The following PLPPR1 variants were observed in gnomAD, a reference collection of about 807,000 sequenced individuals.
PLPPR1 encodes phospholipid phosphatase related 1.
PLPPR1 carries 10 observed loss-of-function variants against 33.1 expected under a neutral mutation model. The observed-to-expected ratio is 0.30, with a 90% CI of 0.19 to 0.51. The LOEUF (loss-of-function observed/expected upper bound fraction) is 0.51, where lower values mean the gene tolerates loss of function less well. Ranked by LOEUF, PLPPR1 falls within the 20% of genes least tolerant of loss-of-function variation. The pLI is 0.97. For missense variants in PLPPR1, 304 were observed against 408.1 expected (o/e 0.74, Z 2.20); for synonymous variants, 151 against 151.0 (o/e 1.00, Z 0.00).
chr9:101,196,215 A>G (rs1256258547), intron 2 of PLPPR1, among the ~76,000 whole-genome samples: 1 of 152,326 alleles, frequency 6.6e-6, no homozygotes, highest in Non-Finnish European at 1.5e-5. Context: ...ATGCAGTGCT[A>G]TAATAATTTA....
chr9:101,259,307 T>C (rs1827854534), intron 2 of PLPPR1, among the ~76,000 whole-genome samples: 1 of 152,142 alleles, frequency 6.6e-6, no homozygotes, highest in African/African-American at 2.4e-5. Flanking sequence ...TTGGACTCTA[T>C]TCGAATGGTA....
At chr9:101,183,232 C>T (rs1350056122) in intron 1 of PLPPR1, among the ~76,000 whole-genome samples, 1 of 151,622 alleles carries the variant, frequency 6.6e-6, no homozygotes, top group East Asian at 1.9e-4. Context: ...TGAATACAAC[C>T]AAATACTGGA....
At chr9:101,246,566 T>C (rs1413173934) in intron 2 of PLPPR1, among the ~76,000 whole-genome samples, 2 of 152,050 alleles carry the variant, frequency 1.3e-5, no homozygotes, top group Non-Finnish European at 2.9e-5. Flanking sequence ...AGTTAGTGAG[T>C]GGCAGAGGCA....
At chr9:101,159,240 C>G (rs1468700837) in intron 1 of PLPPR1, among the ~76,000 whole-genome samples, 1 of 152,112 alleles carries the variant, frequency 6.6e-6, no homozygotes, top group Non-Finnish European at 1.5e-5. Context: ...GAAAAGTCAT[C>G]ATCCTATAGT....
At chr9:101,227,992 T>C (rs1310996078) in intron 2 of PLPPR1, among the ~76,000 whole-genome samples, 3 of 152,200 alleles carry the variant, frequency 2.0e-5, no homozygotes, top group Non-Finnish European at 2.9e-5. Context: ...TTGGCCAGGC[T>C]GGTCTAGAAC....
chr9:101,050,187 G>A (rs963036808), intron 1 of PLPPR1, among the ~76,000 whole-genome samples: 13 of 149,988 alleles, frequency 8.7e-5, no homozygotes, highest in Middle Eastern at 3.5e-3. Flanking sequence ...CACTTAGACC[G>A]GACAACTATA....
intron 6 of PLPPR1, among the ~76,000 whole-genome samples, chr9:101,313,280 C>T (rs1251478695): frequency 2.6e-5 from 4 of 152,122 alleles, no homozygotes; most frequent in Non-Finnish European, 5.9e-5. Context: ...GATAAATTGG[C>T]ACACCTTCAA....
intron 4 of PLPPR1, among the ~76,000 whole-genome samples, chr9:101,294,606 G>A (rs1190264966): frequency 1.3e-5 from 2 of 152,186 alleles, no homozygotes; most frequent in East Asian, 3.9e-4. Flanking sequence ...TATCCACCAT[G>A]ATCAAGTGGG....
intron 2 of PLPPR1, among the ~76,000 whole-genome samples, chr9:101,198,414 G>A (rs1826436968): frequency 1.3e-5 from 2 of 152,112 alleles, no homozygotes; most frequent in African/African-American, 2.4e-5. Context: ...GATTATTAAC[G>A]GAGTCACAAC....
chr9:101,266,861 CTTT>C, intron 2 of PLPPR1, among the ~76,000 whole-genome samples: 1 of 152,088 alleles, frequency 6.6e-6, no homozygotes, highest in South Asian at 2.1e-4. Context: ...CTCATTTTCA[CTTT>C]TTTTTAGAAA....
intron 2 of PLPPR1, among the ~76,000 whole-genome samples, chr9:101,235,062 C>T (rs1004928227): frequency 1.3e-5 from 2 of 151,778 alleles, no homozygotes; most frequent in African/African-American, 4.8e-5. Context: ...GCATTTATAT[C>T]ATGGCAGATG....
At chr9:101,279,903 C>T (rs1215547442) in intron 3 of PLPPR1, among the ~76,000 whole-genome samples, 2 of 151,828 alleles carry the variant, frequency 1.3e-5, no homozygotes, top group African/African-American at 2.4e-5. Flanking sequence ...TCTGAAAGAA[C>T]TAGAAAAACA....
intron 7 of PLPPR1, among the ~76,000 whole-genome samples, chr9:101,320,469 C>G (rs1829132978): frequency 6.6e-6 from 1 of 152,108 alleles, no homozygotes; most frequent in Admixed American, 6.5e-5. Context: ...GACACTTTAG[C>G]CAAAACCAAG....
intron 5 of PLPPR1, among the ~76,000 whole-genome samples, chr9:101,310,291 T>G (rs1412845510): frequency 2.0e-5 from 3 of 152,190 alleles, no homozygotes; most frequent in Non-Finnish European, 2.9e-5. Flanking sequence ...TGATACGATA[T>G]TGCTGGTGGA....
At chr9:101,100,412 T>C (rs970244233) in intron 1 of PLPPR1, among the ~76,000 whole-genome samples, 2 of 152,244 alleles carry the variant, frequency 1.3e-5, no homozygotes, top group East Asian at 3.9e-4. Flanking sequence ...TACTTATTTA[T>C]TTTTATTTGT....
intron 1 of PLPPR1, among the ~76,000 whole-genome samples, chr9:101,034,815 G>T (rs190878862): frequency 6.6e-6 from 1 of 152,020 alleles, no homozygotes; most frequent in East Asian, 1.9e-4. Flanking sequence ...TAAAAAATTT[G>T]GGGGCGGGGG....
intron 1 of PLPPR1, among the ~76,000 whole-genome samples, chr9:101,075,690 G>T (rs1830526756): frequency 6.6e-6 from 1 of 152,186 alleles, no homozygotes; most frequent in Non-Finnish European, 1.5e-5. Context: ...ACAGCCAGAG[G>T]AATTCCTTGC....
chr9:101,210,916 T>C (rs1826678837), intron 2 of PLPPR1, among the ~76,000 whole-genome samples: 1 of 152,110 alleles, frequency 6.6e-6, no homozygotes, highest in Non-Finnish European at 1.5e-5. Context: ...TACAGGCGCC[T>C]GCCACCACGC....
intron 1 of PLPPR1, among the ~76,000 whole-genome samples, chr9:101,167,043 A>G (rs1191717785): frequency 5.1e-5 from 4 of 78,776 alleles, no homozygotes; most frequent in African/African-American, 2.1e-4. Context: ...CAGAAGATCT[A>G]TTGAAAAAAA....
Sources: allele counts gnomAD v4.1 joint callset (sites outside exome capture counted in the v4.1 genomes callset), GRCh38; gene constraint gnomAD v4.1.1; transcripts MANE v1.5; gene names NCBI Gene and HGNC (gene_info 2026-07-23, HGNC 2026-07-21).